RBFOX1: variants seen among roughly 807,000 people sequenced by gnomAD.
RBFOX1 encodes RNA binding protein fox-1 homolog 1.
RBFOX1 carries 8 observed loss-of-function variants against 57.7 expected under a neutral mutation model. That is an observed-to-expected ratio of 0.14 (90% CI 0.08 to 0.25). The LOEUF is 0.25. RBFOX1 is among the 10% of genes least tolerant of loss of function. The probability of loss-of-function intolerance (pLI) is 1.00; values close to 1 mark genes in which losing one functional copy is unlikely to be tolerated. For synonymous variants in RBFOX1, 326 were observed against 222.4 expected, an observed-to-expected ratio of 1.47 and a Z score of -4.15; for missense variants, 611 against 548.5, an observed-to-expected ratio of 1.11 and a Z score of -1.14.
intron 3 of RBFOX1, among the ~76,000 whole-genome samples, chr16:5,820,289 C>G (rs1393535583): frequency 6.6e-6 from 1 of 152,170 alleles, no homozygotes; most frequent in African/African-American, 2.4e-5. Flanking sequence ...TTGTCTTCGG[C>G]ACATCACGTG....
At chr16:5,510,098 C>T (rs1223084782) in intron 2 of RBFOX1, among the ~76,000 whole-genome samples, 1 of 152,226 alleles carries the variant, frequency 6.6e-6, no homozygotes, top group Non-Finnish European at 1.5e-5. Context: ...CAGGGCTTGT[C>T]TCAGAATGGA....
In RBFOX1 at chr16:7,076,690, A is replaced by C. The variant is rs1019422223; in HGVS notation, c.27+24592A>C. On this transcript the variant is annotated intron_variant, in intron 4 of 15. Transcript: ENST00000550418. ...AAGGTTAACAACACAAAGTGTAAAC[A>C]ATTCTAAATACCACCTTCCCATTTC... Among the ~76,000 whole-genome samples the C allele has an allele frequency of 5.9e-5, 9 of 152,344 alleles. No homozygotes were observed. In the East Asian group the frequency reaches 1.5e-3, roughly 26 times the overall value.
At chr16:6,288,365 G>T (rs535197975) in intron 1 of RBFOX1, among the ~76,000 whole-genome samples, 1 of 152,146 alleles carries the variant, frequency 6.6e-6, no homozygotes, top group African/African-American at 2.4e-5. Flanking sequence ...AGATTTGGAA[G>T]TTCTGGGTTA....
chr16:6,645,253 C>G (rs765118207), intron 2 of RBFOX1, among the ~76,000 whole-genome samples: 1 of 152,178 alleles, frequency 6.6e-6, no homozygotes, highest in South Asian at 2.1e-4. Context: ...TATGTCTGCA[C>G]AGACTCCATT....
At chr16:6,825,081 C>T (rs920408314) in intron 3 of RBFOX1, among the ~76,000 whole-genome samples, 1 of 142,134 alleles carries the variant, frequency 7.0e-6, no homozygotes, top group South Asian at 2.4e-4. Flanking sequence ...ACTGCAACCC[C>T]TGTCACCCTG....
chr16:6,792,019 T>A (rs2083061766), intron 3 of RBFOX1, among the ~76,000 whole-genome samples: 1 of 152,188 alleles, frequency 6.6e-6, no homozygotes, highest in African/African-American at 2.4e-5. Context: ...TTTTCCTACT[T>A]GAAAAATGAA....
intron 1 of RBFOX1, among the ~76,000 whole-genome samples, chr16:5,433,269 C>A (rs2067809545): frequency 1.3e-5 from 2 of 152,286 alleles, no homozygotes; most frequent in South Asian, 4.1e-4. Flanking sequence ...AAAGGAGGCC[C>A]CTTGACTGCA....
At chr16:6,040,059 A>G (rs752253228) in intron 1 of RBFOX1, among the ~76,000 whole-genome samples, 21 of 152,240 alleles carry the variant, frequency 1.4e-4, no homozygotes, top group Non-Finnish European at 2.6e-4. Context: ...AGCTTCTCCT[A>G]TTAACATCTG....
At position 6,268,702 on chromosome 16, in the gene RBFOX1, G is replaced by T. The variant is rs542984098; in HGVS notation, c.-126-48293G>T. Among the ~76,000 whole-genome samples, 4 of 152,310 alleles carry T rather than the reference G, an allele frequency of 2.6e-5. No individual in the cohort carries two copies. In the South Asian group the frequency reaches 8.3e-4, roughly 32 times the overall value. On this transcript the variant is annotated intron_variant, in intron 1 of 15. Coordinates refer to ENST00000550418, the MANE Select transcript of RBFOX1 (RefSeq NM_018723.4). ...GGAAAATTGAAAGAGTCAGGTGTTTGTTCTTAGGGATCTTACAGTTCATCG... is the reference window on the plus strand; with the variant it reads ...GGAAAATTGAAAGAGTCAGGTGTTTTTTCTTAGGGATCTTACAGTTCATCG...
intron 3 of RBFOX1, among the ~76,000 whole-genome samples, chr16:6,839,497 A>T (rs188987552): frequency 4.4e-4 from 67 of 152,310 alleles, no homozygotes; most frequent in Admixed American, 1.6e-3. Flanking sequence ...TTCTTTTATT[A>T]TGGACAGAAA....
intron 3 of RBFOX1, among the ~76,000 whole-genome samples, chr16:5,736,744 G>C (rs930186588): frequency 6.6e-6 from 1 of 151,256 alleles, no homozygotes; most frequent in Non-Finnish European, 1.5e-5. Flanking sequence ...CCATCTGTGT[G>C]TGTCTGTCTC....
At chr16:6,164,952 G>T (rs2096906433) in intron 1 of RBFOX1, among the ~76,000 whole-genome samples, 2 of 152,072 alleles carry the variant, frequency 1.3e-5, no homozygotes, top group Admixed American at 1.3e-4. Context: ...AAAGTGTGCA[G>T]TTCAATAGAT....
intron 2 of RBFOX1, among the ~76,000 whole-genome samples, chr16:6,590,514 G>T (rs1048221214): frequency 1.3e-5 from 2 of 152,060 alleles, no homozygotes; most frequent in Non-Finnish European, 2.9e-5. Flanking sequence ...TATAGCTTTC[G>T]GGAGTAAATT....
chr16:6,785,793 A>G (rs2081859405), intron 3 of RBFOX1, among the ~76,000 whole-genome samples: 1 of 152,198 alleles, frequency 6.6e-6, no homozygotes, highest in African/African-American at 2.4e-5. Context: ...AATGCAGGAA[A>G]CAATGAGAGC....
rs1555508259 is a variant in RBFOX1, at chr16:6,829,497, A to AAC, written c.-16+174848_-16+174849insCA. Among the ~76,000 whole-genome samples, 33 of 150,172 alleles carry AAC rather than the reference A, an allele frequency of 2.2e-4. No individual in the cohort carries two copies. In the South Asian group the frequency reaches 4.9e-3, roughly 22 times the overall value. ...CTCAACCATTAAAAAAAAAAAAAAC[A>AAC]AAAAAACGTTAACTTATAGGTACTT... On this transcript the variant is annotated intron_variant, in intron 3 of 15. Coordinates refer to ENST00000550418, the MANE Select transcript of RBFOX1 (RefSeq NM_018723.4).
intron 3 of RBFOX1, among the ~76,000 whole-genome samples, chr16:6,663,979 G>C (rs1190664146): frequency 1.3e-5 from 2 of 152,200 alleles, no homozygotes; most frequent in South Asian, 2.1e-4. Context: ...GAAACCTTTT[G>C]ACCAGGAAGA....
At chr16:5,318,718 C>G (rs187089683) in intron 1 of RBFOX1, among the ~76,000 whole-genome samples, 25 of 152,276 alleles carry the variant, frequency 1.6e-4, no homozygotes, top group African/African-American at 6.0e-4. Context: ...CCCAGTTATC[C>G]AAACGGTAAC....
intron 2 of RBFOX1, among the ~76,000 whole-genome samples, chr16:6,646,632 G>A (rs1437055161): frequency 6.6e-6 from 1 of 152,072 alleles, no homozygotes; most frequent in Non-Finnish European, 1.5e-5. Flanking sequence ...GGAGAGAAAG[G>A]AAATGCTTAT....
intron 4 of RBFOX1, among the ~76,000 whole-genome samples, chr16:7,365,921 C>T (rs1402808657): frequency 6.6e-6 from 1 of 152,172 alleles, no homozygotes; most frequent in Non-Finnish European, 1.5e-5. Flanking sequence ...GTTTCACTTC[C>T]ACAAACTAGC....
Sources: allele counts gnomAD v4.1 joint callset (sites outside exome capture counted in the v4.1 genomes callset), GRCh38; gene constraint gnomAD v4.1.1; transcripts MANE v1.5; gene names NCBI Gene and HGNC (gene_info 2026-07-23, HGNC 2026-07-21).